The following FNDC1 variants were observed in gnomAD, a reference collection of about 807,000 sequenced individuals.
FNDC1 encodes the protein fibronectin type III domain-containing protein 1.
FNDC1 carries 96 observed loss-of-function variants against 168.0 expected under a neutral mutation model. The observed-to-expected ratio is 0.57, with a 90% CI of 0.48 to 0.68. The LOEUF (loss-of-function observed/expected upper bound fraction) is 0.68, where lower values mean the gene tolerates loss of function less well. Ranked by LOEUF, FNDC1 falls within the 30% of genes least tolerant of loss-of-function variation. FNDC1 has a pLI of 0.00. For missense variants in FNDC1, 2,587 were observed against 2,482.1 expected, an observed-to-expected ratio of 1.04 and a Z score of -0.90; for synonymous variants, 1,099 against 1,025.9, an observed-to-expected ratio of 1.07 and a Z score of -1.36.
At chr6:159,247,062 T>C in intron 15 of FNDC1, 93 bp downstream of exon 15, 1 of 1,012,270 alleles carries the variant, frequency 9.9e-7, no homozygotes, top group Non-Finnish European at 1.6e-6. Context: ...TTGATGGAAG[T>C]TTCCTTTAGA....
At chr6:159,221,467 AT>A (rs1782822837) in intron 5 of FNDC1, 130 bp from the exon 6 acceptor site, 1 of 691,656 alleles carries the variant, frequency 1.4e-6, no homozygotes, top group East Asian at 2.7e-5. Flanking sequence ...AGAAGTGGGA[AT>A]ACCCCCAGAA....
At chr6:159,200,210 C>T in intron 3 of FNDC1, 128 bp downstream of exon 3, 1 of 731,944 alleles carries the variant, frequency 1.4e-6, no homozygotes, top group Non-Finnish European at 2.3e-6. Flanking sequence ...ACTTTTTAGA[C>T]TTGTATAGCA....
chr6:159,205,008 C>T (rs1407674822), intron 4 of FNDC1, among the ~76,000 whole-genome samples: 1 of 152,128 alleles, frequency 6.6e-6, no homozygotes, highest in Non-Finnish European at 1.5e-5. Context: ...CTGCTCCCTG[C>T]CCTCCTGCTG....
chr6:159,198,772 CAT>C (rs926965474), intron 2 of FNDC1, among the ~76,000 whole-genome samples: 1 of 152,244 alleles, frequency 6.6e-6, no homozygotes, highest in African/African-American at 2.4e-5. Context: ...GTATCAAACA[CAT>C]GTGGATTAAA....
In FNDC1 at chr6:159,169,506, CCCG is replaced by C; in HGVS notation, c.-90_-88del. On this transcript the variant is annotated 5_prime_UTR_variant, in exon 1 of 23. Transcript: ENST00000297267. This position sits in a 1 kb window ranked among gnomAD's most constrained non-coding sequence, Gnocchi z 6.8. ...CAGAACAGACGGACGGCGGCGGGGA[CCCG>C]ACGGCGGCGCCTCGGCACTCCCCAG... 3.8e-6 allele frequency: 1 copy of C among 262,974 alleles called. No homozygotes were observed. 16.3% of individuals were successfully genotyped at this position (262,974 alleles called of 1,614,324 possible).
chr6:159,189,295 C>A (rs1782077912), intron 1 of FNDC1, among the ~76,000 whole-genome samples: 1 of 152,126 alleles, frequency 6.6e-6, no homozygotes, highest in Non-Finnish European at 1.5e-5. Flanking sequence ...GAGCTGGTCA[C>A]CAGCAATGTC....
At chr6:159,239,376 T>C (rs535632165) in intron 13 of FNDC1, 141 bp from the exon 14 acceptor site, 1 of 684,544 alleles carries the variant, frequency 1.5e-6, no homozygotes, top group East Asian at 2.7e-5. Flanking sequence ...AGCATACTGA[T>C]GCAATATTCA....
At chr6:159,190,933 G>A (rs1349479854) in intron 1 of FNDC1, among the ~76,000 whole-genome samples, 1 of 152,178 alleles carries the variant, frequency 6.6e-6, no homozygotes, top group Non-Finnish European at 1.5e-5. Flanking sequence ...AGAACTACCT[G>A]AGACTGGGTA....
rs149336707 is a variant in FNDC1, at chr6:159,182,268, C to T, written c.109+12563C>T. On this transcript the variant is annotated intron_variant, in intron 1 of 22. Transcript: ENST00000297267. ...GACTTGGGGTCCTTGGGATGAGTTC[C>T]GTGGGGTCCACTGGCACTCTGAAAT... Among the ~76,000 whole-genome samples, 53 of 152,240 alleles carry T rather than the reference C, an allele frequency of 3.5e-4. No homozygotes were observed. The Middle Eastern group carries it at 0.01, about 30-fold the overall frequency.
chr6:159,222,984 ATTTTTTTTTTTTTTTTTTTT>A (rs201310702), intron 6 of FNDC1, among the ~76,000 whole-genome samples: 76 of 116,884 alleles, frequency 6.5e-4, no homozygotes, highest in African/African-American at 1.9e-3. Context: ...TGAAATACTC[ATTTTTTTTTTTTTTTTTTTT>A]TTTTTTTTGA....
chr6:159,246,364 T>G (rs1777124582), intron 14 of FNDC1, among the ~76,000 whole-genome samples: 2 of 152,118 alleles, frequency 1.3e-5, no homozygotes, highest in Non-Finnish European at 2.9e-5. Context: ...AGGTAGGAAA[T>G]TACCCTCTTC....
intron 15 of FNDC1, among the ~76,000 whole-genome samples, chr6:159,248,399 G>A (rs1233317952): frequency 6.6e-6 from 1 of 151,896 alleles, no homozygotes; most frequent in Admixed American, 6.6e-5. Flanking sequence ...TCTGCCTCCT[G>A]GGTTCAAGTG....
At chr6:159,220,445 T>G (rs1167971871) in intron 5 of FNDC1, among the ~76,000 whole-genome samples, 1 of 152,164 alleles carries the variant, frequency 6.6e-6, no homozygotes, top group Non-Finnish European at 1.5e-5. Flanking sequence ...TTTTTATTCT[T>G]GAAAAGATTA....
intron 1 of FNDC1, among the ~76,000 whole-genome samples, chr6:159,192,991 TCA>T (rs1460314820): frequency 2.0e-5 from 3 of 152,290 alleles, no homozygotes; most frequent in Non-Finnish European, 4.4e-5. Flanking sequence ...GGACCCAGAT[TCA>T]CAGAGTCTCT....
chr6:159,269,575 C>CA (rs1562316210), intron 22 of FNDC1, among the ~76,000 whole-genome samples: 33 of 111,314 alleles, frequency 3.0e-4, no homozygotes, highest in African/African-American at 1.3e-3. Flanking sequence ...TCCATCTATC[C>CA]TATCTGTCTG....
chr6:159,193,642 T>C (rs1049050450), intron 1 of FNDC1, among the ~76,000 whole-genome samples: 7 of 152,140 alleles, frequency 4.6e-5, no homozygotes, highest in Admixed American at 4.6e-4. Flanking sequence ...GGGGAATCTC[T>C]GGAGGCCTGT....
chr6:159,215,231 G>C lies in FNDC1; in HGVS notation c.667+80G>C, dbSNP rs1298851887. 11 of 1,290,742 alleles carry C rather than the reference G, an allele frequency of 8.5e-6. No individual in the cohort carries two copies. The Middle Eastern group carries it at 7.4e-4, about 87-fold the overall frequency. 80.0% of individuals were successfully genotyped at this position (1,290,742 alleles called of 1,614,324 possible). The stretch of plus-strand genomic sequence containing the variant: ...AATATTTAGAAGCTCATTCATGACA[G>C]AGCATTATATTTTAGTTGTAATGTC... On this transcript the variant is annotated intron_variant, in intron 5 of 22. Coordinates refer to ENST00000297267, the MANE Select transcript of FNDC1 (RefSeq NM_032532.3).
chr6:159,229,756 T>G (rs1783042298), intron 9 of FNDC1, 59 bp from the exon 10 acceptor site: 4 of 1,487,320 alleles, frequency 2.7e-6, no homozygotes, highest in Non-Finnish European at 3.7e-6. Context: ...ACAGTCTGTC[T>G]GCTGGACACA....
In FNDC1 at chr6:159,269,286, AT is replaced by A. The variant is rs1161681964; in HGVS notation, c.5569+1361del. ...TATCTATCTATCTATCTATCTATCT[AT>A]CTATCCATCCATCCATCTATCCTAT... On this transcript the variant is annotated intron_variant, in intron 22 of 22. Coordinates refer to ENST00000297267, the MANE Select transcript of FNDC1 (RefSeq NM_032532.3). Among the ~76,000 whole-genome samples, 2 of 38,964 alleles carry A rather than the reference AT, an allele frequency of 5.1e-5. 1 individual carries two copies. The highest frequency in any genetic ancestry group is 2.4e-4 in the Non-Finnish European group (2 of 8,218). 25.6% of individuals were successfully genotyped at this position (38,964 alleles called of 152,430 possible). A position where few individuals can be genotyped will look rare whatever the true frequency, so the allele number is the denominator to read the frequency against.
Sources: gnomAD v4.1 joint callset for allele counts (sites outside exome capture counted in the v4.1 genomes callset) on GRCh38, gnomAD v4.1.1 for gene constraint, Gnocchi (gnomAD v3.1) non-coding constraint, MANE v1.5 for transcripts, NCBI Gene and HGNC (gene_info 2026-07-23, HGNC 2026-07-21) for gene names.